Variants in FGD5 observed in about 807,000 individuals in gnomAD.
FGD5 encodes the protein FYVE, RhoGEF and PH domain containing 5.
Under a neutral mutation model 133.4 loss-of-function variants are expected in FGD5, and 28 were observed. The ratio of observed to expected loss-of-function variants is 0.21; its 90% CI spans 0.16 to 0.29. The LOEUF (loss-of-function observed/expected upper bound fraction) is 0.29, where lower values mean the gene tolerates loss of function less well. Ranked by LOEUF, FGD5 falls within the 10% of genes least tolerant of loss-of-function variation. The pLI is 1.00. For synonymous variants in FGD5, 810 were observed against 776.5 expected (o/e 1.04, Z -0.72); for missense variants, 1,858 against 1,895.2 (o/e 0.98, Z 0.36).
chr3:14,889,803 A>C (rs576518218), intron 4 of FGD5, among the ~76,000 whole-genome samples: 86 of 152,122 alleles, frequency 5.7e-4, no homozygotes, highest in African/African-American at 2.0e-3. Flanking sequence ...AATAAAACGG[A>C]ATCCTTCGTT....
intron 2 of FGD5, among the ~76,000 whole-genome samples, chr3:14,873,054 G>A (rs912177238): frequency 5.9e-5 from 9 of 152,276 alleles, no homozygotes; most frequent in African/African-American, 1.7e-4. Context: ...ATTTGGCATC[G>A]TATTGCCACA....
Position 14,864,277 on chromosome 3 carries a change from G to A in FGD5, c.2658+17G>A. 2.5e-6 allele frequency: 4 copies of A among 1,613,806 alleles called. No individual in the cohort carries two copies. Among genetic ancestry groups the A allele is most frequent in the Non-Finnish European group, 3.4e-6 (4 of 1,179,772 alleles). ...ACCCACAAGGTAGGGCACCCCACAG[G>A]TAGGCCGTGGGCATCGGAGACGTGA... On this transcript the variant is annotated intron_variant, in intron 2 of 19. Transcript: ENST00000285046.
chr3:14,866,237 C>T (rs1034470664), intron 2 of FGD5, among the ~76,000 whole-genome samples: 1 of 152,080 alleles, frequency 6.6e-6, no homozygotes, highest in Non-Finnish European at 1.5e-5. Context: ...ATAGTAACTG[C>T]GGGGCTGTGG....
At chr3:14,859,903 A>G (rs2037364212) in intron 1 of FGD5, among the ~76,000 whole-genome samples, 1 of 152,244 alleles carries the variant, frequency 6.6e-6, no homozygotes, top group African/African-American at 2.4e-5. Flanking sequence ...AAAGGGAAAG[A>G]AACTTAGAAA....
chr3:14,834,409 G>A (rs1437874644), intron 1 of FGD5, among the ~76,000 whole-genome samples: 2 of 152,192 alleles, frequency 1.3e-5, no homozygotes, highest in Admixed American at 1.3e-4. Flanking sequence ...GACTGAATGA[G>A]TTAATGCTTG....
chr3:14,851,150 G>T (rs1331635585), intron 1 of FGD5, among the ~76,000 whole-genome samples: 1 of 71,106 alleles, frequency 1.4e-5, no homozygotes, highest in Non-Finnish European at 2.8e-5. Context: ...AGCTCTGCCT[G>T]TTGAATTCAG....
chr3:14,841,654 C>T (rs893973637), intron 1 of FGD5, among the ~76,000 whole-genome samples: 17 of 151,944 alleles, frequency 1.1e-4, no homozygotes, highest in African/African-American at 3.9e-4. Context: ...GTCCTTTCTC[C>T]CCTGTCTATA....
rs571367251 is a variant in FGD5 at position 14,819,040 on chromosome 3, C to T, written c.-32C>T. The stretch of plus-strand genomic sequence containing the variant: ...ACCGCGCCCAAATTCCCTTCCTCAG[C>T]CAGGCCCGAGAGTCTTCACAGTCCA... On this transcript the variant is annotated 5_prime_UTR_variant, in exon 1 of 20. Coordinates refer to ENST00000285046, the MANE Select transcript of FGD5 (RefSeq NM_152536.4). The surrounding 1 kb of genome is among the most constrained non-coding windows in gnomAD (Gnocchi z 4.1). 2.9e-5 allele frequency: 43 copies of T among 1,507,238 alleles called. No individual in the cohort carries two copies. The African/African-American group carries it at 5.6e-4, about 20-fold the overall frequency. The allele number at this position is 1,507,238 out of a possible 1,614,324, so 93.4% of individuals were successfully genotyped here. A position where few individuals can be genotyped will look rare whatever the true frequency, so the allele number is the denominator to read the frequency against.
upstream of FGD5, chr3:14,810,809 A>G (rs2036280350): frequency 1.0e-6 from 1 of 984,200 alleles, no homozygotes; most frequent in African/African-American, 1.8e-5. Context: ...GGACCCGCGG[A>G]CGGACTGAAA....
At chr3:14,893,331 GTTATT>G in intron 4 of FGD5, among the ~76,000 whole-genome samples, 1 of 152,024 alleles carries the variant, frequency 6.6e-6, no homozygotes, top group Non-Finnish European at 1.5e-5. Context: ...TTCTCTTCTG[GTTATT>G]TTATTTATTT....
At position 14,922,589 on chromosome 3, in the gene FGD5, G is replaced by GT; in HGVS notation, c.3807+41_3807+42insT. On this transcript the variant is annotated intron_variant, in intron 15 of 19. Transcript: ENST00000285046. The surrounding 1 kb of genome is among the most constrained non-coding windows in gnomAD (Gnocchi z 4.1). Reference sequence around the variant, plus strand: ...TGGGGTGAGTGTGTGCATGGGGGTGGGGTGGGGGAAGGGCATGTCCCTGCC... The same window carrying GT: ...TGGGGTGAGTGTGTGCATGGGGGTGGTGGTGGGGGAAGGGCATGTCCCTGCC... 6.5e-7 allele frequency: 1 copy of GT among 1,550,174 alleles called. No homozygotes were observed. Among genetic ancestry groups the GT allele is most frequent in the Non-Finnish European group, 8.7e-7 (1 of 1,150,574 alleles).
At chr3:14,907,029 C>A (rs1037342474) in intron 9 of FGD5, among the ~76,000 whole-genome samples, 1 of 152,166 alleles carries the variant, frequency 6.6e-6, no homozygotes, top group African/African-American at 2.4e-5. Flanking sequence ...CTTTTCAGGG[C>A]AAATTCTCTA....
In FGD5 at chr3:14,917,447, CG is replaced by C; in HGVS notation, c.3489+117del. The C allele has an allele frequency of 3.3e-6, 3 of 921,358 alleles. No individual in the cohort carries two copies. The highest frequency in any genetic ancestry group is 5.0e-6 in the Non-Finnish European group (3 of 603,124). The allele number at this position is 921,358 out of a possible 1,614,324, so 57.1% of individuals were successfully genotyped here. A position where few individuals can be genotyped will look rare whatever the true frequency, so the allele number is the denominator to read the frequency against. ...GACCAGCTGGAAGAGGGAGGCCCTG[CG>C]GAAACAGTGTTGGGCTACAGCAAGT... On this transcript the variant is annotated intron_variant, in intron 12 of 19. Coordinates refer to ENST00000285046, the MANE Select transcript of FGD5 (RefSeq NM_152536.4). The surrounding 1 kb of genome is among the most constrained non-coding windows in gnomAD (Gnocchi z 4.1).
intron 1 of FGD5, among the ~76,000 whole-genome samples, chr3:14,833,423 A>G (rs1256618730): frequency 2.0e-5 from 3 of 152,210 alleles, no homozygotes; most frequent in Non-Finnish European, 4.4e-5. Context: ...ACATTAAACG[A>G]TTCTATCTTA....
At chr3:14,853,800 C>A (rs2037216992) in intron 1 of FGD5, among the ~76,000 whole-genome samples, 1 of 151,828 alleles carries the variant, frequency 6.6e-6, no homozygotes, top group Non-Finnish European at 1.5e-5. Flanking sequence ...CACGTGGAGG[C>A]ACATATCCTC....
At chr3:14,839,757 C>T (rs146305098) in intron 1 of FGD5, among the ~76,000 whole-genome samples, 7,230 of 152,106 alleles carry the variant, frequency 0.048, 215 homozygotes, top group Middle Eastern at 0.085. Context: ...ATGGTGAAAC[C>T]CAGTCTCTAC....
rs144111497 is a variant in FGD5 at position 14,858,748 on chromosome 3, T to C, written c.2526-5380T>C. On this transcript the variant is annotated intron_variant, in intron 1 of 19. Transcript: ENST00000285046. ...TGTTGGCAGACTGGGGAGATAGATA[T>C]GATATGTAAGTGTTCCCAATCTTTT... Among the ~76,000 whole-genome samples the C allele has an allele frequency of 1.4e-3, 220 of 152,316 alleles. 1 individual carries two copies. Among genetic ancestry groups the C allele is most frequent in the African/African-American group, 5.0e-3 (207 of 41,568 alleles).
At chr3:14,897,195 C>T (rs904115918) in intron 4 of FGD5, 5 of 316,358 alleles carry the variant, frequency 1.6e-5, no homozygotes, top group Non-Finnish European at 2.9e-5. Flanking sequence ...CCCAATCTCT[C>T]CCCTATCTTG....
At chr3:14,897,195 C>A in intron 4 of FGD5, 2 of 316,476 alleles carry the variant, frequency 6.3e-6, no homozygotes, top group Admixed American at 5.1e-5. Flanking sequence ...CCCAATCTCT[C>A]CCCTATCTTG....
Sources: allele counts gnomAD v4.1 joint callset (sites outside exome capture counted in the v4.1 genomes callset), GRCh38; gene constraint gnomAD v4.1.1; non-coding constraint Gnocchi (gnomAD v3.1); transcripts MANE v1.5; gene names NCBI Gene and HGNC (gene_info 2026-07-23, HGNC 2026-07-21).